Variants in DIO2 observed in about 807,000 individuals in gnomAD.
The protein encoded by DIO2 is type II iodothyronine deiodinase.
Under a neutral mutation model 21.4 loss-of-function variants are expected in DIO2, and 19 were observed. That is an observed-to-expected ratio of 0.89 (90% CI 0.62 to 1.30). DIO2 has a LOEUF of 1.30. Ranked by LOEUF, DIO2 falls within the 50% of genes most tolerant of loss-of-function variation. The pLI, the probability that DIO2 is intolerant of heterozygous loss-of-function variation, is 0.00. For missense variants in DIO2, 302 were observed against 338.1 expected (o/e 0.89, Z 0.84); for synonymous variants, 122 against 132.9 (o/e 0.92, Z 0.57).
upstream of DIO2, chr14:80,211,517 C>T: frequency 1.5e-6 from 2 of 1,301,938 alleles, no homozygotes; most frequent in Non-Finnish European, 2.1e-6. Flanking sequence ...TCTGGTTCCC[C>T]TTCACCCTCT....
At chr14:80,206,067 A>G (rs541270497) in intron 1 of DIO2, among the ~76,000 whole-genome samples, 1 of 152,254 alleles carries the variant, frequency 6.6e-6, no homozygotes, top group Admixed American at 6.5e-5. Context: ...GCACAAAACA[A>G]ATGTGGCCTA....
intron 1 of DIO2, chr14:80,205,688 C>A (rs750718171): frequency 7.5e-7 from 1 of 1,330,986 alleles, no homozygotes; most frequent in East Asian, 4.7e-5. Context: ...TTCCAAAACA[C>A]AGACTAATTT....
intron 2 of DIO2, among the ~76,000 whole-genome samples, chr14:80,218,225 A>T (rs1194518861): frequency 1.4e-5 from 2 of 146,988 alleles, no homozygotes; most frequent in Non-Finnish European, 3.0e-5. Context: ...ACACACACAC[A>T]TAAACAAACA....
At chr14:80,227,178 G>T (rs964385459) in intron 2 of DIO2, among the ~76,000 whole-genome samples, 2 of 152,160 alleles carry the variant, frequency 1.3e-5, no homozygotes, top group African/African-American at 2.4e-5. Flanking sequence ...TGCATATCAT[G>T]CACAACCATC....
intron 2 of DIO2, among the ~76,000 whole-genome samples, chr14:80,228,062 T>A: frequency 6.6e-6 from 1 of 152,244 alleles, no homozygotes; most frequent in South Asian, 2.1e-4. Context: ...ATAAGTCCAG[T>A]GTGTTTGCTA....
intron 1 of DIO2, among the ~76,000 whole-genome samples, chr14:80,209,565 A>T (rs1001057751): frequency 2.6e-5 from 4 of 152,222 alleles, no homozygotes; most frequent in African/African-American, 9.6e-5. Flanking sequence ...ACAAACCATT[A>T]AAAACTTCCC....
Position 80,202,923 on chromosome 14 carries a change from C to T in DIO2, c.588G>A (p.Gln196=). The change falls in exon 2 of 2, where the codon CAG becomes CAA. Residue 196 remains glutamine (Q), a synonymous_variant. Coordinates refer to ENST00000438257, the MANE Select transcript of DIO2 (RefSeq NM_013989.5). ...QNQEDRCAAA[Q]QLLERFSLPP... ...GCAAGGAGAAACGCTCCAGAAGCTG[C>T]TGGGCTGCTGCACATCGATCTTCCT... The T allele has an allele frequency of 6.2e-7, 1 of 1,614,002 alleles. No homozygotes were observed. Among genetic ancestry groups the T allele is most frequent in the South Asian group, 1.1e-5 (1 of 91,082 alleles).
rs1398111969 is a variant in DIO2, at chr14:80,202,992, C to A, written c.519G>T (p.Pro173=). 10 of 1,613,928 alleles carry A rather than the reference C, an allele frequency of 6.2e-6. No homozygotes were observed. Among genetic ancestry groups the A allele is most frequent in the Non-Finnish European group, 8.5e-6 (10 of 1,179,874 alleles). The change falls in exon 2 of 2, where the codon CCG becomes CCT. Residue 173 remains proline, a synonymous_variant. Transcript: ENST00000438257. The part of the protein sequence containing the change: ...EAHPSDGWAI[P]GDSSLSFEVK... Reference sequence around the variant, plus strand: ...CCTCAAAAGACAAAGAGGAGTCCCCCGGTATCGCCCAGCCATCTGATGGAT... The same window carrying A: ...CCTCAAAAGACAAAGAGGAGTCCCCAGGTATCGCCCAGCCATCTGATGGAT...
intron 2 of DIO2, among the ~76,000 whole-genome samples, chr14:80,228,754 C>T (rs937475744): frequency 6.6e-6 from 1 of 150,828 alleles, no homozygotes; most frequent in Admixed American, 6.6e-5. Context: ...TCTGGGGACC[C>T]ACTGGACCCA....
At position 80,202,784 on chromosome 14, in the gene DIO2, C is replaced by T. The variant is rs1887784570; in HGVS notation, c.727G>A (p.Gly243Arg). 1.2e-6 allele frequency: 2 copies of T among 1,613,840 alleles called. No homozygotes were observed. The highest frequency in any genetic ancestry group is 8.5e-7 in the Non-Finnish European group (1 of 1,179,888). The change falls in exon 2 of 2, where the codon GGA becomes AGA. Residue 243 changes from glycine to arginine, a missense_variant. Transcript: ENST00000438257. ...AGGTTGTAGGAGAAGGGGCCCTTTC[C>T]TCCCAGATAAGCAATTTTCTGTCTC... ...VQRQKIAYLG[G>R]KGPFSYNLQE...
rs1195047158 is a variant in DIO2, at chr14:80,200,703, G to A, written c.*1986C>T. The A allele has an allele frequency of 2.0e-5, 3 of 152,106 alleles. No homozygotes were observed. Among genetic ancestry groups the A allele is most frequent in the Non-Finnish European group, 4.4e-5 (3 of 68,012 alleles). 9.4% of individuals were successfully genotyped at this position (152,106 alleles called of 1,614,324 possible). A position where few individuals can be genotyped will look rare whatever the true frequency, so the allele number is the denominator to read the frequency against. On this transcript the variant is annotated 3_prime_UTR_variant, in exon 2 of 2. Coordinates refer to ENST00000438257, the MANE Select transcript of DIO2 (RefSeq NM_013989.5). ...TGAAATTTGCTTTGTTTCTTTGTGGGTGGTTTTTATAGAATTTAGAACATT... is the reference window on the plus strand; with the variant it reads ...TGAAATTTGCTTTGTTTCTTTGTGGATGGTTTTTATAGAATTTAGAACATT...
chr14:80,202,015 A>C lies in DIO2; in HGVS notation c.*674T>G, dbSNP rs567680756. 7.5e-4 allele frequency: 131 copies of C among 174,362 alleles called. 1 individual carries two copies. The highest frequency in any genetic ancestry group is 1.3e-3 in the Non-Finnish European group (110 of 83,070). 10.8% of individuals were successfully genotyped at this position (174,362 alleles called of 1,614,324 possible). A position where few individuals can be genotyped will look rare whatever the true frequency, so the allele number is the denominator to read the frequency against. On this transcript the variant is annotated 3_prime_UTR_variant, in exon 2 of 2. Coordinates refer to ENST00000438257, the MANE Select transcript of DIO2 (RefSeq NM_013989.5). ...TTGTCAATTTCATTTCTTTTTTACC[A>C]CTCTCTCCACCTGCCTAGAAATTAA...
At position 80,200,005 on chromosome 14, in the gene DIO2, T is replaced by C. The variant is rs1887651901; in HGVS notation, c.*2684A>G. 6.6e-6 allele frequency: 1 copy of C among 152,600 alleles called. No individual in the cohort carries two copies. Among genetic ancestry groups the C allele is most frequent in the African/African-American group, 2.4e-5 (1 of 41,450 alleles). 9.5% of individuals were successfully genotyped at this position (152,600 alleles called of 1,614,324 possible). A position where few individuals can be genotyped will look rare whatever the true frequency, so the allele number is the denominator to read the frequency against. On this transcript the variant is annotated 3_prime_UTR_variant, in exon 2 of 2. Transcript: ENST00000438257. ...ATTTCTCAGCATATCAGATAAAGCA[T>C]TGATTTTCCTCTACCTCAAAATAAT... is the stretch of plus-strand genomic sequence containing the variant.
intron 1 of DIO2, among the ~76,000 whole-genome samples, chr14:80,208,970 C>T (rs1888058095): frequency 6.6e-6 from 1 of 152,092 alleles, no homozygotes; most frequent in Admixed American, 6.6e-5. Context: ...TAACATCAGT[C>T]GTGAACTTGG....
Position 80,211,485 on chromosome 14 carries a change from C to A in DIO2, c.-13G>T. The A allele has an allele frequency of 1.3e-6, 2 of 1,537,840 alleles. No homozygotes were observed. The highest frequency in any genetic ancestry group is 1.8e-6 in the Non-Finnish European group (2 of 1,134,260). On this transcript the variant is annotated 5_prime_UTR_variant, in exon 1 of 2. It adds an upstream start codon to the 5' untranslated region. Coordinates refer to ENST00000438257, the MANE Select transcript of DIO2 (RefSeq NM_013989.5). ...TGAGGATGCCCATCTTCTCTGCCTC[C>A]TGAGTCAGTTCCCTTGTGCGCTCTG...
intron 2 of DIO2, among the ~76,000 whole-genome samples, chr14:80,218,318 G>A (rs1486119935): frequency 6.6e-6 from 1 of 152,012 alleles, no homozygotes; most frequent in African/African-American, 2.4e-5. Flanking sequence ...TAACTTGATG[G>A]AAACTTTGGA....
intron 2 of DIO2, among the ~76,000 whole-genome samples, chr14:80,224,496 T>TACACACACACAC (rs59545805): frequency 0.049 from 6,775 of 138,398 alleles, 251 homozygotes; most frequent in Non-Finnish European, 0.063. Flanking sequence ...AGAGAGATAC[T>TACACACACACAC]ACACACACAC....
intron 2 of DIO2, among the ~76,000 whole-genome samples, chr14:80,218,218 C>T (rs2140015849): frequency 6.6e-6 from 1 of 150,686 alleles, no homozygotes; most frequent in African/African-American, 2.5e-5. Flanking sequence ...CAAAGACACA[C>T]ACACACATAA....
rs1240943254 is a variant in DIO2, at chr14:80,208,471, CT to C, written c.222+2779del. On this transcript the variant is annotated intron_variant, in intron 1 of 1. Transcript: ENST00000438257. ...ACACAGGGATAATACTTTTACTCCACTTTCTCTACATATCTTTCCAGGCATC... is the reference window on the plus strand; with the variant it reads ...ACACAGGGATAATACTTTTACTCCACTTCTCTACATATCTTTCCAGGCATC... 2.0e-5 allele frequency among the ~76,000 whole-genome samples: 3 copies of C among 152,196 alleles called. No homozygotes were observed. In the East Asian group the frequency reaches 5.8e-4, roughly 29 times the overall value.
Sources: allele counts gnomAD v4.1 joint callset (sites outside exome capture counted in the v4.1 genomes callset), GRCh38; gene constraint gnomAD v4.1.1; transcripts MANE v1.5; gene names NCBI Gene and HGNC (gene_info 2026-07-23, HGNC 2026-07-21).